SUN1: variants seen among roughly 807,000 people sequenced by gnomAD.
SUN1 encodes the protein Sad1 and UNC84 domain containing 1, also known as SUN domain-containing protein 1.
In SUN1, 61 loss-of-function variants were observed where a neutral mutation model predicts 103.2. The observed-to-expected ratio is 0.59, with a 90% CI of 0.48 to 0.73. SUN1 has a LOEUF of 0.73. Ranked by LOEUF, SUN1 falls within the 30% of genes least tolerant of loss-of-function variation. The probability of loss-of-function intolerance (pLI) is 0.00; values close to 1 mark genes in which losing one functional copy is unlikely to be tolerated. For synonymous variants in SUN1, 490 were observed against 425.7 expected (o/e 1.15, Z -1.86); for missense variants, 1,052 against 1,034.6 (o/e 1.02, Z -0.23).
At position 874,905 on chromosome 7, in the gene SUN1, T is replaced by C. The variant is rs781597640; in HGVS notation, c.*1574T>C. On this transcript the variant is annotated 3_prime_UTR_variant, in exon 19 of 19. Coordinates refer to ENST00000401592, the MANE Select transcript of SUN1 (RefSeq NM_001130965.3). The stretch of plus-strand genomic sequence containing the variant: ...AAGAGTTTTAATTTTTAAAAGGGCA[T>C]GGGATATAAACAGTCTATTTCTTTT... 2.0e-5 allele frequency: 3 copies of C among 152,244 alleles called. No homozygotes were observed. 9.4% of individuals were successfully genotyped at this position (152,244 alleles called of 1,614,324 possible).
chr7:854,834 T>C (rs184708432), intron 10 of SUN1, 86 bp from the exon 11 acceptor site: 1,134 of 896,792 alleles, frequency 1.3e-3, no homozygotes, highest in Non-Finnish European at 1.7e-3. Context: ...TTGTCGGTAT[T>C]CCGTGTAGAA....
intron 5 of SUN1, among the ~76,000 whole-genome samples, chr7:845,184 C>T (rs1004222386): frequency 2.0e-5 from 3 of 152,196 alleles, no homozygotes; most frequent in African/African-American, 7.2e-5. Context: ...TGACAGTATG[C>T]TGGCGGTCAG....
At chr7:833,933 GT>G (rs1334730534) in intron 1 of SUN1, among the ~76,000 whole-genome samples, 4 of 152,210 alleles carry the variant, frequency 2.6e-5, no homozygotes, top group Admixed American at 6.5e-5. Flanking sequence ...AAATGCCTCT[GT>G]TTCTTTACCT....
At chr7:819,152 C>T (rs558492615) in intron 1 of SUN1, among the ~76,000 whole-genome samples, 15 of 151,324 alleles carry the variant, frequency 9.9e-5, no homozygotes, top group African/African-American at 3.6e-4. Flanking sequence ...TGTGAGCCAC[C>T]GTGCCTGGCC....
chr7:827,440 G>A (rs903561787), intron 1 of SUN1, among the ~76,000 whole-genome samples: 1 of 151,280 alleles, frequency 6.6e-6, no homozygotes, highest in African/African-American at 2.4e-5. Context: ...AAGTGATATG[G>A]AGAGTAGGAC....
At chr7:839,205 T>C in intron 2 of SUN1, 1 of 447,952 alleles carries the variant, frequency 2.2e-6, no homozygotes. Flanking sequence ...CTAGTATTGA[T>C]GTTCTGCTGT....
intron 11 of SUN1, among the ~76,000 whole-genome samples, chr7:856,068 T>A (rs1034126008): frequency 4.6e-5 from 7 of 152,180 alleles, no homozygotes; most frequent in Non-Finnish European, 1.0e-4. Context: ...GAACACACTC[T>A]GGAGGTGTGA....
rs1162994238 is a variant in SUN1 at position 843,130 on chromosome 7, T to G, written c.452-76T>G. ...TTAACCATTGTAACCTTTACATTTT[T>G]TAATGGGTTTTGTTCTTATTTGATA... On this transcript the variant is annotated intron_variant, in intron 3 of 18. Coordinates refer to ENST00000401592, the MANE Select transcript of SUN1 (RefSeq NM_001130965.3). The G allele has an allele frequency of 6.9e-6, 11 of 1,583,406 alleles. No homozygotes were observed. The East Asian group carries it at 2.0e-4, about 29-fold the overall frequency.
At position 872,440 on chromosome 7, in the gene SUN1, G is replaced by A. The variant is rs370246334; in HGVS notation, c.2149-30G>A. 9.9e-5 allele frequency: 154 copies of A among 1,559,070 alleles called. 1 individual carries two copies. Among genetic ancestry groups the A allele is most frequent in the Middle Eastern group, 8.3e-4 (5 of 5,990 alleles). ...TCTGCTCAGTGTTATTTTTCCATTCGTTCATAATTGTGTATGGTCTTGTTT... is the reference window on the plus strand; with the variant it reads ...TCTGCTCAGTGTTATTTTTCCATTCATTCATAATTGTGTATGGTCTTGTTT... On this transcript the variant is annotated intron_variant, in intron 17 of 18. Coordinates refer to ENST00000401592, the MANE Select transcript of SUN1 (RefSeq NM_001130965.3).
intron 1 of SUN1, among the ~76,000 whole-genome samples, chr7:818,914 A>G (rs139966217): frequency 0.046 from 6,772 of 145,824 alleles, 161 homozygotes; most frequent in Middle Eastern, 0.064. Flanking sequence ...CCCAGGCTGG[A>G]GTGCAATGAC....
Position 873,684 on chromosome 7 carries a change from G to C in SUN1, c.*353G>C, listed in dbSNP as rs1843084578. 2 of 194,024 alleles carry C rather than the reference G, an allele frequency of 1.0e-5. No individual in the cohort carries two copies. The highest frequency in any genetic ancestry group is 2.3e-5 in the African/African-American group (1 of 43,020). The allele number at this position is 194,024 out of a possible 1,614,324, so 12.0% of individuals were successfully genotyped here. ...CGTGTTCTTGACGCTTTGGTCTTCA[G>C]CCTTGCACTGGCTCTTCTAAAGGAC... On this transcript the variant is annotated 3_prime_UTR_variant, in exon 19 of 19. Coordinates refer to ENST00000401592, the MANE Select transcript of SUN1 (RefSeq NM_001130965.3).
chr7:832,520 T>G lies in SUN1; in HGVS notation c.-5T>G. The stretch of plus-strand genomic sequence containing the variant: ...CCCTCTGCAGTATGGTTTGAAGTGG[T>G]GAACATGGATTTTTCTCGGCTTCAC... On this transcript the variant is annotated 5_prime_UTR_variant, in exon 1 of 19. Coordinates refer to ENST00000401592, the MANE Select transcript of SUN1 (RefSeq NM_001130965.3). 6.2e-7 allele frequency: 1 copy of G among 1,612,878 alleles called. No homozygotes were observed. The highest frequency in any genetic ancestry group is 8.5e-7 in the Non-Finnish European group (1 of 1,179,442).
intron 12 of SUN1, 111 bp downstream of exon 12, chr7:856,512 C>A: frequency 8.3e-7 from 1 of 1,209,748 alleles, no homozygotes; most frequent in Non-Finnish European, 1.2e-6. Context: ...CCCCGAGGGT[C>A]ACCTGAAGGC....
chr7:827,429 C>G (rs1367327206), intron 1 of SUN1, among the ~76,000 whole-genome samples: 2 of 150,520 alleles, frequency 1.3e-5, no homozygotes, highest in Non-Finnish European at 3.0e-5. Flanking sequence ...ATAGTAGACT[C>G]AAGTGATATG....
At chr7:860,648 C>T (rs1179133311) in intron 14 of SUN1, among the ~76,000 whole-genome samples, 3 of 152,162 alleles carry the variant, frequency 2.0e-5, no homozygotes, top group Non-Finnish European at 2.9e-5. Context: ...CTTTTTGTCC[C>T]AAAGAGCCCA....
intron 5 of SUN1, chr7:850,466 T>C (rs544610617): frequency 6.3e-6 from 1 of 157,502 alleles, no homozygotes; most frequent in South Asian, 1.9e-4. Context: ...CCCAAAGTGC[T>C]GTTGGCATCT....
upstream of SUN1, chr7:815,781 C>T (rs949269726): frequency 2.4e-4 from 52 of 213,054 alleles, no homozygotes; most frequent in African/African-American, 1.2e-3. Context: ...AGACCCCACA[C>T]ATTCCCCAGA....
chr7:832,835 G>T, intron 1 of SUN1: 1 of 493,348 alleles, frequency 2.0e-6, no homozygotes, highest in South Asian at 3.0e-5. Context: ...CACATGGCTT[G>T]CTGGCTTCGA....
intron 1 of SUN1, among the ~76,000 whole-genome samples, chr7:835,140 T>C (rs1185043788): frequency 6.6e-6 from 1 of 152,222 alleles, no homozygotes; most frequent in Non-Finnish European, 1.5e-5. Flanking sequence ...GTTGAGAGAA[T>C]AGTGACAAGC....
Sources: gnomAD v4.1 joint callset for allele counts (sites outside exome capture counted in the v4.1 genomes callset) on GRCh38, gnomAD v4.1.1 for gene constraint, MANE v1.5 for transcripts, NCBI Gene and HGNC (gene_info 2026-07-23, HGNC 2026-07-21) for gene names.